The following SDR42E2 variants were observed in gnomAD, a reference collection of about 807,000 sequenced individuals.
The protein encoded by SDR42E2 is putative short-chain dehydrogenase/reductase family 42E member 2.
Under a neutral mutation model 10.5 loss-of-function variants are expected in SDR42E2, and 20 were observed. The observed-to-expected ratio is 1.90, with a 90% CI of 1.34 to 2.77. The LOEUF is 2.77. Ranked by LOEUF, SDR42E2 falls within the 30% of genes most tolerant of loss-of-function variation. SDR42E2 has a pLI of 0.00. For missense variants in SDR42E2, 162 were observed against 104.2 expected, an observed-to-expected ratio of 1.55 and a Z score of -2.42; for synonymous variants, 72 against 39.2, an observed-to-expected ratio of 1.84 and a Z score of -3.12.
chr16:22,174,531 T>C (rs943383864), intron 7 of SDR42E2, among the ~76,000 whole-genome samples: 2 of 151,986 alleles, frequency 1.3e-5, no homozygotes, highest in African/African-American at 4.8e-5. Flanking sequence ...CTCTTTTCCC[T>C]AAAATCTTCC....
intron 7 of SDR42E2, 21 bp from the exon 8 acceptor site, chr16:22,178,109 C>T: frequency 1.4e-6 from 1 of 701,068 alleles, no homozygotes; most frequent in South Asian, 1.5e-5. Flanking sequence ...TGACCCCTGA[C>T]CACGCTTCCC....
chr16:22,188,819 C>A (rs1474401131), intron 12 of SDR42E2, among the ~76,000 whole-genome samples: 1 of 151,946 alleles, frequency 6.6e-6, no homozygotes, highest in African/African-American at 2.4e-5. Context: ...GACTTTATAG[C>A]CTTTTATGCA....
chr16:22,167,320 G>C (rs2046552396), intron 4 of SDR42E2, among the ~76,000 whole-genome samples: 1 of 151,524 alleles, frequency 6.6e-6, no homozygotes, highest in Admixed American at 6.6e-5. Flanking sequence ...TGAGTAGCTG[G>C]GATTACAGGT....
At chr16:22,168,378 G>A (rs1288486763) in intron 4 of SDR42E2, among the ~76,000 whole-genome samples, 1 of 151,982 alleles carries the variant, frequency 6.6e-6, no homozygotes, top group Non-Finnish European at 1.5e-5. Flanking sequence ...CGATTCTTCT[G>A]CCTCAGACTC....
At chr16:22,187,881 A>G (rs1053986666) in intron 12 of SDR42E2, among the ~76,000 whole-genome samples, 1 of 152,030 alleles carries the variant, frequency 6.6e-6, no homozygotes, top group African/African-American at 2.4e-5. Flanking sequence ...GGATAACCTG[A>G]GGTCAGGAGT....
rs1364205360 is a variant in SDR42E2 at position 22,170,984 on chromosome 16, C to T, written c.513+33C>T. ...TCTTCCGGGAGAGGTGGGCAGGACCCGCGGGCCCGGGACCCACAGCTCAGA... is the reference window on the plus strand; with the variant it reads ...TCTTCCGGGAGAGGTGGGCAGGACCTGCGGGCCCGGGACCCACAGCTCAGA... On this transcript the variant is annotated intron_variant, in intron 6 of 12. Coordinates refer to ENST00000602312, the MANE Select transcript of SDR42E2 (RefSeq NM_001394319.2). 2.3e-5 allele frequency: 16 copies of T among 702,514 alleles called. No homozygotes were observed. In the East Asian group the frequency reaches 3.0e-4, roughly 13 times the overall value. The allele number at this position is 702,514 out of a possible 1,614,324, so 43.5% of individuals were successfully genotyped here. A position where few individuals can be genotyped will look rare whatever the true frequency, so the allele number is the denominator to read the frequency against.
chr16:22,180,923 C>T (rs2046687678), intron 8 of SDR42E2, among the ~76,000 whole-genome samples: 2 of 152,138 alleles, frequency 1.3e-5, no homozygotes, highest in Admixed American at 6.5e-5. Context: ...AGGAGAATTG[C>T]ATGAACCCAG....
chr16:22,176,343 G>C (rs908306927), intron 7 of SDR42E2, among the ~76,000 whole-genome samples: 3 of 152,020 alleles, frequency 2.0e-5, no homozygotes, highest in Non-Finnish European at 4.4e-5. Context: ...CAGTAGATGT[G>C]AATGTTCCCA....
chr16:22,169,541 C>A (rs1207778831), intron 5 of SDR42E2, 39 bp downstream of exon 5: 3 of 703,066 alleles, frequency 4.3e-6, no homozygotes, highest in Non-Finnish European at 7.8e-6. Flanking sequence ...CTGTGCCTCT[C>A]CCCCTCTCTC....
chr16:22,182,071 G>T, intron 9 of SDR42E2, 141 bp from the exon 10 acceptor site: 1 of 429,468 alleles, frequency 2.3e-6, no homozygotes, highest in South Asian at 8.8e-5. Context: ...GGAATTCACA[G>T]GGAATAGTTC....
rs1280956988 is a variant in SDR42E2, at chr16:22,166,981, A to C, written c.318A>C (p.Gly106=). The C allele has an allele frequency of 1.4e-6, 1 of 702,164 alleles. No homozygotes were observed. 43.5% of individuals were successfully genotyped at this position (702,164 alleles called of 1,614,324 possible). ...VDCVFHVASY[G]MSGAEKLQKE... ...GTGTCTTCCACGTGGCTTCCTATGG[A>C]ATGTCCGGGGCTGAGAAGGTGGGCT... Residue 106 remains glycine, a synonymous_variant, in exon 4 of 13, where the codon GGA becomes GGC. Coordinates refer to ENST00000602312, the MANE Select transcript of SDR42E2 (RefSeq NM_001394319.2).
intron 5 of SDR42E2, 110 bp downstream of exon 5, chr16:22,169,612 G>A: frequency 1.4e-6 from 1 of 695,512 alleles, no homozygotes; most frequent in South Asian, 1.5e-5. Context: ...CCTGTGGGCA[G>A]CGCATCCTTC....
intron 10 of SDR42E2, among the ~76,000 whole-genome samples, chr16:22,182,904 C>A (rs1037119348): frequency 1.1e-4 from 17 of 152,066 alleles, no homozygotes; most frequent in Non-Finnish European, 2.1e-4. Flanking sequence ...ACTTGGGCAG[C>A]TGAGGCGGGA....
At position 22,164,156 on chromosome 16, in the gene SDR42E2, C is replaced by T. The variant is rs145439968; in HGVS notation, c.-36-1391C>T. On this transcript the variant is annotated intron_variant, in intron 1 of 12. Transcript: ENST00000602312. ...ACTGAGGGCTGGGCACAGTGGCTAA[C>T]GCCTGTAATCTCAACACTTTGGGAG... Among the ~76,000 whole-genome samples, 1,320 of 152,168 alleles carry T rather than the reference C, an allele frequency of 8.7e-3. 22 individuals carry two copies. The highest frequency in any genetic ancestry group is 0.028 in the African/African-American group (1,161 of 41,516).
chr16:22,187,116 G>A (rs2046741795), intron 12 of SDR42E2, among the ~76,000 whole-genome samples: 1 of 152,066 alleles, frequency 6.6e-6, no homozygotes, highest in Admixed American at 6.6e-5. Context: ...GCAAGTTTCA[G>A]GCCATTCACT....
intron 1 of SDR42E2, among the ~76,000 whole-genome samples, chr16:22,162,979 GGCCGCCT>G (rs949311531): frequency 6.6e-6 from 1 of 152,140 alleles, no homozygotes; most frequent in African/African-American, 2.4e-5. Context: ...AGCATTTGCT[GGCCGCCT>G]GCTTTGCGCC....
chr16:22,171,055 C>T (rs949892378), intron 6 of SDR42E2, 104 bp downstream of exon 6: 19 of 679,200 alleles, frequency 2.8e-5, no homozygotes, highest in Middle Eastern at 3.1e-4. Flanking sequence ...ACTCAGGATA[C>T]GTCCTAGCAG....
intron 8 of SDR42E2, among the ~76,000 whole-genome samples, chr16:22,179,593 A>C (rs918976419): frequency 6.6e-6 from 1 of 151,930 alleles, no homozygotes; most frequent in Non-Finnish European, 1.5e-5. Flanking sequence ...GGATGGATCA[A>C]TTGAGGTCAG....
chr16:22,174,085 C>A (rs1377271822), intron 7 of SDR42E2, among the ~76,000 whole-genome samples: 1 of 151,720 alleles, frequency 6.6e-6, no homozygotes, highest in African/African-American at 2.4e-5. Context: ...GTAATCCCAG[C>A]ACTTTGGGAG....
Sources: allele counts gnomAD v4.1 joint callset (sites outside exome capture counted in the v4.1 genomes callset), GRCh38; gene constraint gnomAD v4.1.1; transcripts MANE v1.5; gene names NCBI Gene and HGNC (gene_info 2026-07-23, HGNC 2026-07-21).